ARHGEF7: variants seen among roughly 807,000 people sequenced by gnomAD.
ARHGEF7 encodes the protein Rho guanine nucleotide exchange factor 7.
A neutral mutation model predicts 109.8 loss-of-function variants in ARHGEF7; 33 were observed. The ratio of observed to expected loss-of-function variants is 0.30; its 90% CI spans 0.23 to 0.40. The LOEUF (loss-of-function observed/expected upper bound fraction) is 0.40. ARHGEF7 is among the 10% of genes least tolerant of loss of function. The pLI is 1.00. For missense variants in ARHGEF7, 938 were observed against 1,098.5 expected, an observed-to-expected ratio of 0.85 and a Z score of 2.07; for synonymous variants, 458 against 424.6, an observed-to-expected ratio of 1.08 and a Z score of -0.97.
intron 2 of ARHGEF7, among the ~76,000 whole-genome samples, chr13:111,157,005 G>A (rs994791423): frequency 3.3e-5 from 5 of 152,182 alleles, no homozygotes; most frequent in Admixed American, 1.3e-4. Context: ...GAAAAAGGAA[G>A]TAAACTTGGT....
intron 13 of ARHGEF7, 89 bp from the exon 14 acceptor site, chr13:111,280,182 TA>T: frequency 2.2e-6 from 3 of 1,353,802 alleles, no homozygotes; most frequent in Non-Finnish European, 3.0e-6. Context: ...CCACCAATTC[TA>T]AAATCATTTA....
At chr13:111,270,238 C>T (rs1446639081) in intron 9 of ARHGEF7, among the ~76,000 whole-genome samples, 4 of 152,202 alleles carry the variant, frequency 2.6e-5, no homozygotes, top group African/African-American at 7.2e-5. Context: ...GTTTGTTCCT[C>T]TGCACTTGGC....
At chr13:111,180,873 T>C (rs1255240394) in intron 2 of ARHGEF7, among the ~76,000 whole-genome samples, 2 of 152,242 alleles carry the variant, frequency 1.3e-5, no homozygotes, top group Non-Finnish European at 2.9e-5. Flanking sequence ...ATAATATACA[T>C]AATCTGCATC....
At chr13:111,241,372 A>G (rs1444386940) in intron 6 of ARHGEF7, 1 of 1,534,890 alleles carries the variant, frequency 6.5e-7, no homozygotes, top group South Asian at 1.2e-5. Context: ...CGAGGTCAGG[A>G]AGGCCAGCAA....
intron 2 of ARHGEF7, among the ~76,000 whole-genome samples, chr13:111,168,991 T>C (rs1349213738): frequency 6.6e-6 from 1 of 152,226 alleles, no homozygotes; most frequent in Non-Finnish European, 1.5e-5. Context: ...ACCTTATCAT[T>C]TCTCTTTTAA....
intron 19 of ARHGEF7, among the ~76,000 whole-genome samples, chr13:111,296,709 C>T (rs1446641909): frequency 6.6e-6 from 1 of 152,184 alleles, no homozygotes; most frequent in Admixed American, 6.5e-5. Flanking sequence ...AAGTTCAGCA[C>T]TCAAATGCAT....
chr13:111,116,830 T>G (rs1299900272), intron 1 of ARHGEF7, among the ~76,000 whole-genome samples: 4 of 152,270 alleles, frequency 2.6e-5, no homozygotes, highest in Non-Finnish European at 5.9e-5. Flanking sequence ...ACATTTTATT[T>G]AATATGAATT....
At chr13:111,185,884 T>TCAC (rs1285849769) in intron 2 of ARHGEF7, among the ~76,000 whole-genome samples, 1 of 151,954 alleles carries the variant, frequency 6.6e-6, no homozygotes, top group Non-Finnish European at 1.5e-5. Context: ...AGTGTGGTGG[T>TCAC]GTGGGCAAAG....
chr13:111,268,283 G>A (rs1429927267), intron 9 of ARHGEF7, among the ~76,000 whole-genome samples: 1 of 152,140 alleles, frequency 6.6e-6, no homozygotes, highest in African/African-American at 2.4e-5. Flanking sequence ...TGGCTTGGAG[G>A]AGACCACACC....
At chr13:111,141,107 A>T (rs1041283333) in intron 1 of ARHGEF7, among the ~76,000 whole-genome samples, 6 of 152,136 alleles carry the variant, frequency 3.9e-5, no homozygotes, top group Non-Finnish European at 2.9e-5. Flanking sequence ...AACACCCTAC[A>T]TTAGTATGAT....
At chr13:111,254,637 C>T (rs77959680) in intron 8 of ARHGEF7, among the ~76,000 whole-genome samples, 32 of 83,208 alleles carry the variant, frequency 3.8e-4, no homozygotes, top group African/African-American at 8.0e-4. Flanking sequence ...AAGGCCGGGC[C>T]CAGAAGAGGA....
intron 1 of ARHGEF7, among the ~76,000 whole-genome samples, chr13:111,153,261 C>T (rs1007948989): frequency 1.3e-5 from 2 of 152,254 alleles, no homozygotes; most frequent in Non-Finnish European, 2.9e-5. Flanking sequence ...TGGGGCCCCT[C>T]TGGGCCAGGC....
intron 15 of ARHGEF7, chr13:111,282,848 A>G: frequency 3.8e-6 from 2 of 520,820 alleles, no homozygotes; most frequent in Non-Finnish European, 6.8e-6. Context: ...TCCGTAGCTA[A>G]TAAATGTGGC....
intron 2 of ARHGEF7, among the ~76,000 whole-genome samples, chr13:111,154,999 A>G (rs2076198554): frequency 6.6e-6 from 1 of 152,158 alleles, no homozygotes; most frequent in African/African-American, 2.4e-5. Flanking sequence ...GAGGAGGGGG[A>G]AACCAATTAA....
intron 1 of ARHGEF7, among the ~76,000 whole-genome samples, chr13:111,146,107 C>G (rs1432875706): frequency 6.6e-6 from 1 of 152,184 alleles, no homozygotes; most frequent in African/African-American, 2.4e-5. Context: ...GACAGAACCA[C>G]ATGCATTCAG....
At chr13:111,256,085 G>C (rs2090389601) in intron 8 of ARHGEF7, among the ~76,000 whole-genome samples, 1 of 152,058 alleles carries the variant, frequency 6.6e-6, no homozygotes, top group Non-Finnish European at 1.5e-5. Flanking sequence ...GCCTGTATTT[G>C]GAATGGTAGA....
chr13:111,203,342 T>G (rs1461618784), intron 2 of ARHGEF7, among the ~76,000 whole-genome samples: 2 of 152,246 alleles, frequency 1.3e-5, no homozygotes, highest in African/African-American at 2.4e-5. Flanking sequence ...CCGTATTTGT[T>G]ATAGGTGGTT....
At chr13:111,199,876 G>A (rs768163286) in intron 2 of ARHGEF7, among the ~76,000 whole-genome samples, 6 of 152,164 alleles carry the variant, frequency 3.9e-5, no homozygotes, top group Non-Finnish European at 7.3e-5. Flanking sequence ...ACCAGACAGT[G>A]ACCTCCTGAT....
chr13:111,151,163 T>A (rs1020574087), intron 1 of ARHGEF7, among the ~76,000 whole-genome samples: 1 of 152,232 alleles, frequency 6.6e-6, no homozygotes, highest in African/African-American at 2.4e-5. Flanking sequence ...TTACATTACA[T>A]AGGTTCATTT....
Sources: gnomAD v4.1 joint callset for allele counts (sites outside exome capture counted in the v4.1 genomes callset) on GRCh38, gnomAD v4.1.1 for gene constraint, MANE v1.5 for transcripts, NCBI Gene and HGNC (gene_info 2026-07-23, HGNC 2026-07-21) for gene names.